The following TNRC6B variants were observed in gnomAD, a reference collection of about 807,000 sequenced individuals.
The protein encoded by TNRC6B is trinucleotide repeat-containing gene 6B protein.
TNRC6B carries 52 observed loss-of-function variants against 203.6 expected under a neutral mutation model. The observed-to-expected ratio is 0.26, with a 90% CI of 0.20 to 0.32. The LOEUF is 0.32. Among genes scored for constraint, TNRC6B ranks in the 10% least tolerant of loss-of-function variants. The pLI is 1.00. For synonymous variants in TNRC6B, 838 were observed against 845.7 expected, an observed-to-expected ratio of 0.99 and a Z score of 0.16; for missense variants, 1,923 against 2,286.2, an observed-to-expected ratio of 0.84 and a Z score of 3.24.
At chr22:40,071,929 C>T (rs996505247) in intron 1 of TNRC6B, among the ~76,000 whole-genome samples, 1 of 152,196 alleles carries the variant, frequency 6.6e-6, no homozygotes, top group African/African-American at 2.4e-5. Context: ...GCGATCATAG[C>T]TCACTATAAC....
chr22:40,251,667 C>T (rs1435435876), intron 3 of TNRC6B, among the ~76,000 whole-genome samples: 3 of 151,064 alleles, frequency 2.0e-5, no homozygotes, highest in East Asian at 3.9e-4. Flanking sequence ...TGCAGTGAGC[C>T]GAGATCATGC....
intron 21 of TNRC6B, among the ~76,000 whole-genome samples, chr22:40,319,915 T>A (rs1416419886): frequency 6.6e-6 from 1 of 152,204 alleles, no homozygotes; most frequent in Admixed American, 6.5e-5. Flanking sequence ...GTTTCTTTCA[T>A]CACCTAAAAT....
At chr22:40,185,374 C>G (rs956131641) in intron 1 of TNRC6B, among the ~76,000 whole-genome samples, 1 of 152,122 alleles carries the variant, frequency 6.6e-6, no homozygotes. Context: ...CTGTTCAGTG[C>G]TATTAAGGGA....
chr22:40,294,073 CA>C (rs11354611), intron 12 of TNRC6B, among the ~76,000 whole-genome samples: 47,629 of 80,522 alleles, frequency 0.59, 11,223 homozygotes, highest in East Asian at 0.82. Flanking sequence ...CCCATCTCTA[CA>C]AAAAAAAAAA....
intron 1 of TNRC6B, among the ~76,000 whole-genome samples, chr22:40,078,532 T>G (rs973707403): frequency 6.6e-6 from 1 of 151,926 alleles, no homozygotes; most frequent in Non-Finnish European, 1.5e-5. Flanking sequence ...CAAAAGAAAA[T>G]TATTTATGAT....
chr22:40,148,664 T>C (rs2068718365), intron 3 of TNRC6B, among the ~76,000 whole-genome samples: 1 of 55,782 alleles, frequency 1.8e-5, no homozygotes, highest in East Asian at 2.7e-4. Flanking sequence ...TGAATTATGT[T>C]GAAATACGAA....
intron 21 of TNRC6B, among the ~76,000 whole-genome samples, chr22:40,318,496 G>A (rs982663358): frequency 5.3e-5 from 8 of 152,108 alleles, no homozygotes; most frequent in Non-Finnish European, 7.4e-5. Context: ...GGAGTGAGCC[G>A]AGATTGCGCC....
intron 1 of TNRC6B, among the ~76,000 whole-genome samples, chr22:40,092,636 G>A (rs1387396318): frequency 6.6e-6 from 1 of 152,102 alleles, no homozygotes; most frequent in Non-Finnish European, 1.5e-5. Context: ...AGCCTCCCAA[G>A]TGGCCAGAAC....
chr22:40,258,462 C>G (rs963118990), intron 3 of TNRC6B, among the ~76,000 whole-genome samples: 5 of 152,066 alleles, frequency 3.3e-5, no homozygotes, highest in African/African-American at 1.2e-4. Context: ...CCTTTAAAAG[C>G]TTAACATTCT....
At chr22:40,149,556 G>A (rs1047547558) in intron 3 of TNRC6B, among the ~76,000 whole-genome samples, 26 of 151,982 alleles carry the variant, frequency 1.7e-4, no homozygotes, top group African/African-American at 6.0e-4. Flanking sequence ...TGTAATCCCA[G>A]CTACTCAGGA....
Position 40,251,108 on chromosome 22 carries a change from T to G in TNRC6B, c.94-71T>G. 2.2e-6 allele frequency: 3 copies of G among 1,347,848 alleles called. No homozygotes were observed. In the South Asian group the frequency reaches 4.1e-5, roughly 19 times the overall value. The allele number at this position is 1,347,848 out of a possible 1,614,324, so 83.5% of individuals were successfully genotyped here. A position where few individuals can be genotyped will look rare whatever the true frequency, so the allele number is the denominator to read the frequency against. ...GCTTGGATTACTTGAGTTATCAGAC[T>G]AAAGTAGTCTGAAAATACAGTACTG... is the stretch of plus-strand genomic sequence containing the variant. On this transcript the variant is annotated intron_variant, in intron 2 of 22. Transcript: ENST00000454349.
chr22:40,196,507 G>A (rs1470542580), intron 1 of TNRC6B, among the ~76,000 whole-genome samples: 2 of 152,086 alleles, frequency 1.3e-5, no homozygotes, highest in African/African-American at 2.4e-5. Flanking sequence ...TCTAGGACTT[G>A]TTGGCACCTT....
At chr22:40,107,196 C>A (rs868167855) in intron 1 of TNRC6B, 1 of 503,336 alleles carries the variant, frequency 2.0e-6, no homozygotes, top group African/African-American at 2.0e-5. Context: ...TTCCCTACCC[C>A]TAGGCTATGA....
chr22:40,207,142 A>G (rs2069489166), intron 1 of TNRC6B, among the ~76,000 whole-genome samples: 1 of 152,154 alleles, frequency 6.6e-6, no homozygotes, highest in Admixed American at 6.6e-5. Flanking sequence ...CAAGTCATAC[A>G]CCACATACAA....
At chr22:40,148,210 A>G (rs772351174) in intron 3 of TNRC6B, among the ~76,000 whole-genome samples, 44 of 152,130 alleles carry the variant, frequency 2.9e-4, no homozygotes, top group Non-Finnish European at 5.7e-4. Context: ...TTGATGAGAC[A>G]TGGGACAAAT....
chr22:40,202,531 A>G (rs1249330980), intron 1 of TNRC6B, among the ~76,000 whole-genome samples: 1 of 152,116 alleles, frequency 6.6e-6, no homozygotes, highest in Admixed American at 6.6e-5. Flanking sequence ...CATCTTTCAG[A>G]AAGAGACAAC....
chr22:40,177,833 A>G (rs1601861152), upstream of TNRC6B: 6 of 1,306,674 alleles, frequency 4.6e-6, no homozygotes, highest in African/African-American at 4.6e-5. Context: ...AGGCAGTCTC[A>G]GCTCCAGCTC....
intron 1 of TNRC6B, among the ~76,000 whole-genome samples, chr22:40,079,076 A>G (rs1166979860): frequency 6.7e-6 from 1 of 149,542 alleles, no homozygotes; most frequent in Non-Finnish European, 1.5e-5. Context: ...CTCTGTCTCA[A>G]AAAAAAAAAG....
upstream of TNRC6B, among the ~76,000 whole-genome samples, chr22:40,174,558 A>G (rs898143993): frequency 6.6e-6 from 1 of 152,204 alleles, no homozygotes; most frequent in Non-Finnish European, 1.5e-5. Context: ...GATAACAGTC[A>G]TTTGAATGTT....
Sources: gnomAD v4.1 joint callset for allele counts (sites outside exome capture counted in the v4.1 genomes callset) on GRCh38, gnomAD v4.1.1 for gene constraint, MANE v1.5 for transcripts, NCBI Gene and HGNC (gene_info 2026-07-23, HGNC 2026-07-21) for gene names.